TRMT11: variants seen among roughly 807,000 people sequenced by gnomAD.
The protein encoded by TRMT11 is tRNA methyltransferase 11, also known as tRNA (guanine(10)-N(2))-methyltransferase TRMT11.
Under a neutral mutation model 62.8 loss-of-function variants are expected in TRMT11, and 53 were observed. The ratio of observed to expected loss-of-function variants is 0.84; its 90% CI spans 0.68 to 1.06. The LOEUF (loss-of-function observed/expected upper bound fraction) is 1.06. Ranked by LOEUF, TRMT11 falls within the 50% of genes least tolerant of loss-of-function variation. The pLI, the probability that TRMT11 is intolerant of heterozygous loss-of-function variation, is 0.00. For synonymous variants in TRMT11, 188 were observed against 190.3 expected (o/e 0.99, Z 0.10); for missense variants, 556 against 553.4 (o/e 1.00, Z -0.05).
chr6:126,138,910 A>G (rs191058450), intron 21 of TRMT11, among the ~76,000 whole-genome samples: 5 of 152,124 alleles, frequency 3.3e-5, no homozygotes, highest in Admixed American at 3.3e-4. Flanking sequence ...ATTTGTATAA[A>G]TATATAAACC....
At chr6:126,221,618 G>A in the TRMT11 span, among the ~76,000 whole-genome samples, 4 of 151,990 alleles carry the variant, frequency 2.6e-5, no homozygotes, top group African/African-American at 9.7e-5. Flanking sequence ...TTGCTAATTT[G>A]TTTAAGTTCC....
intron 17 of TRMT11, among the ~76,000 whole-genome samples, chr6:126,090,305 A>G (rs1003141407): frequency 6.6e-6 from 1 of 152,190 alleles, no homozygotes; most frequent in Non-Finnish European, 1.5e-5. Context: ...AGCATAGAGT[A>G]TACGTTCAAT....
chr6:126,040,715 A>G (rs887132001), downstream of TRMT11, among the ~76,000 whole-genome samples: 1 of 152,028 alleles, frequency 6.6e-6, no homozygotes, highest in Non-Finnish European at 1.5e-5. Flanking sequence ...TGGTCTGTGG[A>G]CTGGCCTATT....
intron 12 of TRMT11, among the ~76,000 whole-genome samples, chr6:126,033,412 G>T (rs1379099041): frequency 6.6e-6 from 1 of 151,870 alleles, no homozygotes; most frequent in Non-Finnish European, 1.5e-5. Flanking sequence ...CATCTTTTTG[G>T]GTTCTTTTTA....
At chr6:126,000,840 C>T (rs1035176983) in intron 7 of TRMT11, among the ~76,000 whole-genome samples, 3 of 152,056 alleles carry the variant, frequency 2.0e-5, no homozygotes, top group African/African-American at 7.2e-5. Flanking sequence ...TCTTTTCTTC[C>T]CCACTCTCAT....
At chr6:126,009,214 A>T (rs1793818412) in intron 8 of TRMT11, 2 of 152,098 alleles carry the variant, frequency 1.3e-5, no homozygotes, top group Non-Finnish European at 2.9e-5. Flanking sequence ...ATTAATAACT[A>T]GTCTTTGAGG....
chr6:126,193,522 A>G (rs1778629567), intron 1 of TRMT11, among the ~76,000 whole-genome samples: 1 of 112,946 alleles, frequency 8.9e-6, no homozygotes, highest in African/African-American at 4.6e-5. Context: ...TTTGAGACAC[A>G]GTCTCACTCT....
intron 1 of TRMT11, among the ~76,000 whole-genome samples, chr6:126,183,840 T>C (rs1451655843): frequency 2.1e-5 from 1 of 47,962 alleles, no homozygotes; most frequent in African/African-American, 8.0e-5. Context: ...GGAAGGAGGG[T>C]GGGAGGGAGG....
At chr6:126,010,455 A>G (rs1249557491) in intron 8 of TRMT11, among the ~76,000 whole-genome samples, 1 of 152,018 alleles carries the variant, frequency 6.6e-6, no homozygotes, top group East Asian at 1.9e-4. Context: ...TTGATTTTAT[A>G]AGAATAATTA....
Position 126,057,959 on chromosome 6 carries a change from C to CT in TRMT11, c.*1437+4780dup, listed in dbSNP as rs34038370. On this transcript the variant is annotated intron_variant and NMD_transcript_variant, in intron 17 of 22. Coordinates refer to the TRMT11 transcript ENST00000648977. ...CAGTGGTATTTCTTTTTTTCTTTTT[C>CT]TTTTTTTTTTTCAATTATATAAGTT... Among the ~76,000 whole-genome samples, 599 of 148,768 alleles carry CT rather than the reference C, an allele frequency of 4.0e-3. 3 individuals carry two copies. The highest frequency in any genetic ancestry group is 0.013 in the African/African-American group (539 of 40,250).
At chr6:126,250,501 T>C in the TRMT11 span, among the ~76,000 whole-genome samples, 7 of 152,212 alleles carry the variant, frequency 4.6e-5, no homozygotes, top group East Asian at 3.8e-4. Context: ...ACAAAGAGCA[T>C]TGAATGGTCA....
the TRMT11 span, among the ~76,000 whole-genome samples, chr6:126,217,705 G>A: frequency 6.6e-6 from 1 of 152,152 alleles, no homozygotes; most frequent in East Asian, 1.9e-4. Context: ...AACCAGCACA[G>A]CACTAGGTGG....
the TRMT11 span, among the ~76,000 whole-genome samples, chr6:126,222,524 G>T: frequency 6.6e-6 from 1 of 151,466 alleles, no homozygotes; most frequent in Non-Finnish European, 1.5e-5. Flanking sequence ...AATTTTCATT[G>T]TAGAGATGTT....
intron 21 of TRMT11, among the ~76,000 whole-genome samples, chr6:126,121,702 G>A (rs1036608522): frequency 1.3e-5 from 2 of 152,074 alleles, no homozygotes; most frequent in African/African-American, 4.8e-5. Flanking sequence ...ACAGATTTAA[G>A]TCTCTATGCT....
rs181899007 is a variant in TRMT11, at chr6:126,090,121, C to T, written c.*1438-22745C>T. ...TTCCCTTATTGAATTCTTTTCACCC[C>T]TGCCCTGGGAGCCTAAACTTTTCTT... is the stretch of plus-strand genomic sequence containing the variant. On this transcript the variant is annotated intron_variant and NMD_transcript_variant, in intron 17 of 22. Transcript: ENST00000648977. Among the ~76,000 whole-genome samples the T allele has an allele frequency of 4.3e-3, 648 of 152,338 alleles. 2 individuals are homozygous for T. Among genetic ancestry groups the T allele is most frequent in the African/African-American group, 0.014 (599 of 41,580 alleles).
At chr6:126,197,787 A>G (rs1214387300) in intron 1 of TRMT11, among the ~76,000 whole-genome samples, 2 of 152,256 alleles carry the variant, frequency 1.3e-5, no homozygotes, top group East Asian at 1.9e-4. Flanking sequence ...TTTGAGTGTC[A>G]TATCCCACCA....
At chr6:126,000,204 T>C (rs1792240358) in intron 7 of TRMT11, among the ~76,000 whole-genome samples, 1 of 152,090 alleles carries the variant, frequency 6.6e-6, no homozygotes, top group African/African-American at 2.4e-5. Context: ...TTTATGGAAG[T>C]CCTAAAACTC....
In TRMT11 at chr6:126,110,727, G is replaced by T. The variant is rs1206128319; in HGVS notation, c.*1438-2139G>T. Among the ~76,000 whole-genome samples, 3 of 152,162 alleles carry T rather than the reference G, an allele frequency of 2.0e-5. No homozygotes were observed. In the East Asian group the frequency reaches 5.8e-4, roughly 29 times the overall value. On this transcript the variant is annotated intron_variant and NMD_transcript_variant, in intron 17 of 22. Transcript: ENST00000648977. ...ACACACGTGCATACAAAGCTGTTTT[G>T]GGGTCAAAGCTTTGTAGAGTTCATG...
exon 1 of TRMT11, chr6:126,177,234 G>A (rs1009752680): frequency 1.3e-5 from 2 of 152,026 alleles, no homozygotes; most frequent in Non-Finnish European, 2.9e-5. Flanking sequence ...ATTCCTCTTG[G>A]ACTGAATTGT....
Sources: gnomAD v4.1 joint callset for allele counts (sites outside exome capture counted in the v4.1 genomes callset) on GRCh38, gnomAD v4.1.1 for gene constraint, MANE v1.5 for transcripts, NCBI Gene and HGNC (gene_info 2026-07-23, HGNC 2026-07-21) for gene names.